The following GSTCD variants were observed in gnomAD, a reference collection of about 807,000 sequenced individuals.
GSTCD encodes the protein glutathione S-transferase C-terminal domain-containing protein.
Under a neutral mutation model 68.3 loss-of-function variants are expected in GSTCD, and 44 were observed. The observed-to-expected ratio is 0.64, with a 90% confidence interval of 0.51 to 0.83. The LOEUF (loss-of-function observed/expected upper bound fraction) is 0.83. GSTCD is among the 40% of genes least tolerant of loss of function. GSTCD has a pLI of 0.00. For missense variants in GSTCD, 739 were observed against 735.9 expected (o/e 1.00, Z -0.05); for synonymous variants, 273 against 255.2 (o/e 1.07, Z -0.67).
chr4:105,742,860 G>A (rs967518853), intron 5 of GSTCD, among the ~76,000 whole-genome samples: 3 of 151,712 alleles, frequency 2.0e-5, no homozygotes, highest in African/African-American at 7.3e-5. Context: ...GACTACAGGT[G>A]CATGCCATCA....
chr4:105,833,795 GT>G (rs1227507022), intron 8 of GSTCD, among the ~76,000 whole-genome samples: 2 of 151,952 alleles, frequency 1.3e-5, no homozygotes, highest in Non-Finnish European at 2.9e-5. Context: ...CTTAAAAATC[GT>G]TTTGAGTTAT....
At chr4:105,836,214 TAC>T (rs1189195584) in intron 9 of GSTCD, among the ~76,000 whole-genome samples, 1 of 152,000 alleles carries the variant, frequency 6.6e-6, no homozygotes, top group East Asian at 1.9e-4. Flanking sequence ...AAAGAAGAGA[TAC>T]AGAGTGGGTA....
At chr4:105,820,176 T>C (rs1723217147) in intron 5 of GSTCD, among the ~76,000 whole-genome samples, 3 of 151,648 alleles carry the variant, frequency 2.0e-5, no homozygotes, top group Admixed American at 6.6e-5. Flanking sequence ...CCAAAAATGC[T>C]GGTGTTTTAA....
At chr4:105,772,062 A>T (rs1167770871) in intron 5 of GSTCD, among the ~76,000 whole-genome samples, 1 of 152,122 alleles carries the variant, frequency 6.6e-6, no homozygotes, top group Non-Finnish European at 1.5e-5. Context: ...AGTGGTTTGT[A>T]GTTCTTGAAA....
chr4:105,727,949 C>T (rs865975206), intron 4 of GSTCD, among the ~76,000 whole-genome samples: 17 of 152,090 alleles, frequency 1.1e-4, no homozygotes, highest in South Asian at 4.1e-4. Context: ...TATTTGAGTT[C>T]GGTAGCTAAC....
intron 8 of GSTCD, among the ~76,000 whole-genome samples, chr4:105,832,920 T>A (rs981592720): frequency 9.2e-5 from 14 of 152,212 alleles, no homozygotes; most frequent in African/African-American, 3.4e-4. Context: ...TTATTTACTT[T>A]CCCATTCCCT....
In GSTCD at chr4:105,726,672, A is replaced by G; in HGVS notation, c.988A>G (p.Thr330Ala). 1 of 1,613,978 alleles carries G rather than the reference A, an allele frequency of 6.2e-7. No individual in the cohort carries two copies. The highest frequency in any genetic ancestry group is 8.5e-7 in the Non-Finnish European group (1 of 1,179,938). The change falls in exon 4 of 12, where the codon ACA (threonine) becomes GCA (alanine). Residue 330 changes from threonine (T) to alanine (A), a missense_variant. Coordinates refer to ENST00000515279, the MANE Select transcript of GSTCD (RefSeq NM_001370181.1). ...QRIQEVPGVK[T>A]AASKCGIQFL... ...GATTCAGGAAGTGCCAGGAGTAAAAACAGCAGCTTCTAAGTGTGGGATCCA... is the reference window on the plus strand; with the variant it reads ...GATTCAGGAAGTGCCAGGAGTAAAAGCAGCAGCTTCTAAGTGTGGGATCCA...
intron 5 of GSTCD, chr4:105,820,586 C>A (rs773721100): frequency 9.9e-5 from 15 of 151,734 alleles, no homozygotes; most frequent in Middle Eastern, 3.2e-3. Context: ...CCTGGAGCTT[C>A]GTAATATTTA....
intron 5 of GSTCD, among the ~76,000 whole-genome samples, chr4:105,734,475 G>A (rs1047337151): frequency 2.0e-5 from 3 of 151,814 alleles, no homozygotes; most frequent in Admixed American, 6.6e-5. Flanking sequence ...CCATTTTATC[G>A]AATCAGCTAC....
intron 10 of GSTCD, among the ~76,000 whole-genome samples, chr4:105,839,075 T>C (rs1255139271): frequency 6.6e-6 from 1 of 152,198 alleles, no homozygotes; most frequent in Non-Finnish European, 1.5e-5. Context: ...TACCACCTTA[T>C]GTGCTACTCA....
At chr4:105,824,726 A>G (rs1381099324) in intron 7 of GSTCD, among the ~76,000 whole-genome samples, 2 of 152,122 alleles carry the variant, frequency 1.3e-5, no homozygotes, top group South Asian at 2.1e-4. Flanking sequence ...TCATAATTGC[A>G]TGATCTGGTT....
intron 5 of GSTCD, among the ~76,000 whole-genome samples, chr4:105,770,168 G>A (rs1176166640): frequency 3.9e-5 from 6 of 152,092 alleles, no homozygotes; most frequent in East Asian, 1.9e-4. Flanking sequence ...ACCACATAGC[G>A]GCAAACTGAA....
intron 8 of GSTCD, among the ~76,000 whole-genome samples, chr4:105,829,951 G>GA (rs1350336845): frequency 6.6e-6 from 1 of 151,098 alleles, no homozygotes; most frequent in African/African-American, 2.4e-5. Context: ...GATACCACTT[G>GA]AAAAAAATAG....
In GSTCD at chr4:105,845,829, A is replaced by G; in HGVS notation, c.*252A>G. 2.2e-6 allele frequency: 1 copy of G among 451,394 alleles called. No individual in the cohort carries two copies. The highest frequency in any genetic ancestry group is 3.7e-5 in the East Asian group (1 of 26,982). The allele number at this position is 451,394 out of a possible 1,614,324, so 28.0% of individuals were successfully genotyped here. On this transcript the variant is annotated 3_prime_UTR_variant, in exon 12 of 12. Transcript: ENST00000515279. ...CCCTGAAGTCTCAGCTGCCAAAAGA[A>G]TAATACTAGTGGAGGTTCCATCACA... is the stretch of plus-strand genomic sequence containing the variant.
intron 1 of GSTCD, among the ~76,000 whole-genome samples, chr4:105,715,808 G>A (rs1248284081): frequency 1.3e-5 from 2 of 151,738 alleles, no homozygotes; most frequent in African/African-American, 4.9e-5. Flanking sequence ...AGCTTTTAAA[G>A]TAATTTTCCT....
intron 5 of GSTCD, among the ~76,000 whole-genome samples, chr4:105,781,849 C>G (rs947239469): frequency 2.0e-5 from 3 of 146,934 alleles, no homozygotes; most frequent in African/African-American, 7.6e-5. Flanking sequence ...TGAAGCACTT[C>G]TAAGTCAAAA....
At chr4:105,772,184 G>A (rs949443659) in intron 5 of GSTCD, among the ~76,000 whole-genome samples, 10 of 152,092 alleles carry the variant, frequency 6.6e-5, no homozygotes, top group Admixed American at 3.9e-4. Context: ...TTGGTGCATA[G>A]CAATGCTTGT....
At chr4:105,709,772 G>A (rs530709445) in intron 1 of GSTCD, among the ~76,000 whole-genome samples, 1 of 152,072 alleles carries the variant, frequency 6.6e-6, no homozygotes, top group African/African-American at 2.4e-5. Flanking sequence ...TGATAAAGAA[G>A]GTGGTGTATT....
chr4:105,732,110 G>A (rs60861135), intron 5 of GSTCD, among the ~76,000 whole-genome samples: 18,760 of 152,184 alleles, frequency 0.12, 1,680 homozygotes, highest in African/African-American at 0.25. Context: ...TTTTATTGAG[G>A]ATTTTTGCAT....
Sources: allele counts gnomAD v4.1 joint callset (sites outside exome capture counted in the v4.1 genomes callset), GRCh38; gene constraint gnomAD v4.1.1; transcripts MANE v1.5; gene names NCBI Gene and HGNC (gene_info 2026-07-23, HGNC 2026-07-21).